DAPK2: variants seen among roughly 807,000 people sequenced by gnomAD.
DAPK2 encodes death associated protein kinase 2.
In DAPK2, 35 loss-of-function variants were observed where a neutral mutation model predicts 44.1. The ratio of observed to expected loss-of-function variants is 0.79; its 90% confidence interval spans 0.61 to 1.05. The LOEUF (loss-of-function observed/expected upper bound fraction) is 1.05. Among genes scored for constraint, DAPK2 ranks in the 50% least tolerant of loss-of-function variants. The pLI, the probability that DAPK2 is intolerant of heterozygous loss-of-function variation, is 0.00. For missense variants in DAPK2, 453 were observed against 483.2 expected, an observed-to-expected ratio of 0.94 and a Z score of 0.59; for synonymous variants, 174 against 182.6, an observed-to-expected ratio of 0.95 and a Z score of 0.38.
intron 1 of DAPK2, among the ~76,000 whole-genome samples, chr15:64,023,444 C>A (rs1272589514): frequency 6.6e-6 from 1 of 152,184 alleles, no homozygotes; most frequent in Non-Finnish European, 1.5e-5. Context: ...AAGGGCAGAT[C>A]CCAGCAGGAG....
upstream of DAPK2, chr15:64,046,412 C>T: frequency 8.8e-6 from 3 of 342,812 alleles, no homozygotes; most frequent in Non-Finnish European, 1.2e-5. The surrounding 1 kb of genome is among the most constrained non-coding windows in gnomAD (Gnocchi z 5.3). Flanking sequence ...CGGCGGGGTG[C>T]GCTGGGCTCG....
At chr15:64,034,884 C>A (rs2141172526) in intron 1 of DAPK2, among the ~76,000 whole-genome samples, 1 of 152,304 alleles carries the variant, frequency 6.6e-6, no homozygotes, top group East Asian at 1.9e-4. Flanking sequence ...TAAAGAAAAT[C>A]TGGTCAGGTG....
At chr15:63,970,532 T>C (rs1263372191) in intron 3 of DAPK2, among the ~76,000 whole-genome samples, 3 of 151,952 alleles carry the variant, frequency 2.0e-5, no homozygotes, top group Non-Finnish European at 4.4e-5. Context: ...GAGTTGCTGG[T>C]TTTTCTATCT....
intron 2 of DAPK2, among the ~76,000 whole-genome samples, chr15:63,981,637 C>G (rs187271712): frequency 8.6e-5 from 13 of 151,060 alleles, no homozygotes; most frequent in Admixed American, 5.9e-4. Context: ...AATGTAATTT[C>G]TTGTCCATTC....
intron 8 of DAPK2, chr15:63,924,424 C>T (rs1353284560): frequency 1.8e-5 from 3 of 167,068 alleles, no homozygotes; most frequent in Non-Finnish European, 3.9e-5. Flanking sequence ...AGGAAGGAGG[C>T]CTGGTCACAA....
intron 8 of DAPK2, chr15:63,921,081 T>G (rs976233794): frequency 6.6e-6 from 1 of 152,256 alleles, no homozygotes; most frequent in Non-Finnish European, 1.5e-5. Context: ...TTGGTCAATG[T>G]TCAAATCCTT....
chr15:64,002,952 GT>G (rs2079124781), intron 1 of DAPK2, among the ~76,000 whole-genome samples: 1 of 130,758 alleles, frequency 7.6e-6, no homozygotes, highest in African/African-American at 3.0e-5. Context: ...GTGTGTGTGT[GT>G]GTGTGTGTGT....
chr15:63,971,632 T>C (rs1321442705), intron 2 of DAPK2, 71 bp from the exon 4 acceptor site: 3 of 1,547,964 alleles, frequency 1.9e-6, no homozygotes, highest in South Asian at 2.3e-5. Context: ...GCTGGGCTGA[T>C]AGGGGCAAGC....
At chr15:63,946,343 T>A (rs547113690) in intron 3 of DAPK2, among the ~76,000 whole-genome samples, 1 of 152,240 alleles carries the variant, frequency 6.6e-6, no homozygotes. Flanking sequence ...TGGGGGGCTA[T>A]GTCATAAAGT....
chr15:63,914,968 T>C (rs372300948), intron 8 of DAPK2, among the ~76,000 whole-genome samples: 17 of 152,164 alleles, frequency 1.1e-4, no homozygotes, highest in African/African-American at 4.1e-4. Flanking sequence ...TCAGTATCCT[T>C]GAAGGGTTGG....
chr15:63,956,269 T>C (rs71394532), intron 3 of DAPK2, among the ~76,000 whole-genome samples: 1 of 152,170 alleles, frequency 6.6e-6, no homozygotes, highest in Non-Finnish European at 1.5e-5. Flanking sequence ...TTTTGTATTG[T>C]TTTCTTCATT....
chr15:63,923,212 C>T lies in DAPK2; in HGVS notation c.858+1604G>A. The T allele has an allele frequency of 2.6e-6, 4 of 1,535,902 alleles. No individual in the cohort carries two copies. The highest frequency in any genetic ancestry group is 3.5e-6 in the Non-Finnish European group (4 of 1,146,740). The stretch of plus-strand genomic sequence containing the variant: ...CGTCTTCCACCACACAGGCAAAACG[C>T]TCGAAGTTGACATAGGAGTTGTTGG... On this transcript the variant is annotated intron_variant, in intron 8 of 10. Transcript: ENST00000261891. The surrounding 1 kb of genome is among the most constrained non-coding windows in gnomAD (Gnocchi z 4.2).
chr15:63,957,554 T>C (rs911028600), intron 3 of DAPK2, among the ~76,000 whole-genome samples: 1 of 127,104 alleles, frequency 7.9e-6, no homozygotes, highest in Non-Finnish European at 1.6e-5. Flanking sequence ...CCCCACCCCG[T>C]GTCCAAGTGT....
intron 3 of DAPK2, among the ~76,000 whole-genome samples, chr15:63,958,083 T>C (rs2077777796): frequency 6.6e-6 from 1 of 152,240 alleles, no homozygotes; most frequent in South Asian, 2.1e-4. Flanking sequence ...ATTGTGGTTT[T>C]GATTTGCATT....
chr15:63,911,981 C>T lies in DAPK2; in HGVS notation c.959G>A (p.Ser320Asn), dbSNP rs1412507270. Reference sequence around the variant, plus strand: ...GAGGTGGTTGCACAGGGACACGATGCTGAAGGAAAGCTGAGGGAGGCAGAG... The same window carrying T: ...GAGGTGGTTGCACAGGGACACGATGTTGAAGGAAAGCTGAGGGAGGCAGAG... The change falls in exon 10 of 11, where the codon AGC becomes AAC. Residue 320 changes from serine to asparagine, a missense_variant. Physicochemically the swap from Ser to Asn is conservative, Grantham distance 46. Coordinates refer to ENST00000261891, the Ensembl canonical transcript of DAPK2. 1.9e-6 allele frequency: 3 copies of T among 1,613,828 alleles called. No homozygotes were observed. The South Asian group carries it at 3.3e-5, about 18-fold the overall frequency.
intron 1 of DAPK2, among the ~76,000 whole-genome samples, chr15:64,033,026 C>T (rs1018832187): frequency 6.6e-6 from 1 of 152,088 alleles, no homozygotes. Context: ...GTGGAGGTTG[C>T]AGTGAGCCAA....
chr15:63,962,951 G>A (rs1480822387), intron 3 of DAPK2, among the ~76,000 whole-genome samples: 3 of 152,224 alleles, frequency 2.0e-5, no homozygotes, highest in Non-Finnish European at 4.4e-5. Context: ...CCCCAGAGGT[G>A]GAGTCTACAG....
intron 1 of DAPK2, among the ~76,000 whole-genome samples, chr15:64,035,795 AC>A (rs1387033917): frequency 3.3e-5 from 5 of 152,232 alleles, no homozygotes; most frequent in Admixed American, 2.0e-4. Flanking sequence ...AAGTGTGAGC[AC>A]AGCCAACTGC....
chr15:63,951,269 C>T (rs972600986), intron 3 of DAPK2, among the ~76,000 whole-genome samples: 7 of 152,100 alleles, frequency 4.6e-5, no homozygotes, highest in African/African-American at 1.7e-4. Flanking sequence ...AACACAAAAC[C>T]ACATAAAAAT....
Sources: gnomAD v4.1 joint callset for allele counts (sites outside exome capture counted in the v4.1 genomes callset) on GRCh38, gnomAD v4.1.1 for gene constraint, Gnocchi (gnomAD v3.1) non-coding constraint, MANE v1.5 for transcripts, NCBI Gene and HGNC (gene_info 2026-07-23, HGNC 2026-07-21) for gene names.